CASK: variants seen among roughly 807,000 people sequenced by gnomAD.
The protein encoded by CASK is peripheral plasma membrane protein CASK.
CASK carries 4 observed loss-of-function variants against 82.9 expected under a neutral mutation model. That is an observed-to-expected ratio of 0.05 (90% CI 0.02 to 0.11). The LOEUF is 0.11. CASK is among the 10% of genes least tolerant of loss of function. The pLI is 1.00. For synonymous variants in CASK, 259 were observed against 253.5 expected, an observed-to-expected ratio of 1.02 and a Z score of -0.20; for missense variants, 358 against 720.9, an observed-to-expected ratio of 0.50 and a Z score of 5.76.
intron 3 of CASK, among the ~76,000 whole-genome samples, chrX:41,783,308 T>C (rs1449631406): frequency 4.5e-5 from 5 of 111,328 alleles, no homozygotes; most frequent in African/African-American, 1.6e-4. Flanking sequence ...CTCATGCCTG[T>C]AATCCCAGCA....
chrX:41,898,944 T>G (rs1201037953), intron 1 of CASK, among the ~76,000 whole-genome samples: 1 of 111,989 alleles, frequency 8.9e-6, no homozygotes, highest in Admixed American at 9.4e-5. Context: ...TTAGATCCAT[T>G]TGGCCTACAG....
At chrX:41,566,853 G>A (rs1359715086) in intron 16 of CASK, among the ~76,000 whole-genome samples, 2 of 111,816 alleles carry the variant, frequency 1.8e-5, no homozygotes, top group African/African-American at 6.5e-5. Context: ...TGAGGCTACA[G>A]TAACCAAAAC....
intron 5 of CASK, among the ~76,000 whole-genome samples, chrX:41,724,929 A>G (rs1602525560): frequency 8.9e-6 from 1 of 112,617 alleles, no homozygotes; most frequent in African/African-American, 3.2e-5. Flanking sequence ...ATCCTTATGT[A>G]AAATCAAAAC....
chrX:41,874,248 T>C (rs1448057770), intron 1 of CASK, among the ~76,000 whole-genome samples: 1 of 111,865 alleles, frequency 8.9e-6, no homozygotes, highest in Non-Finnish European at 1.9e-5. Context: ...GGTAAACGTG[T>C]GCCATGGTGG....
intron 9 of CASK, among the ~76,000 whole-genome samples, chrX:41,629,904 A>G (rs2066438369): frequency 8.9e-6 from 1 of 112,160 alleles, no homozygotes; most frequent in South Asian, 3.7e-4. Flanking sequence ...TAGTTCTTCA[A>G]ACTTTCTGGT....
intron 1 of CASK, among the ~76,000 whole-genome samples, chrX:41,875,257 T>C (rs1377893320): frequency 2.7e-5 from 3 of 112,357 alleles, no homozygotes; most frequent in African/African-American, 9.7e-5. Flanking sequence ...AAATACTCTT[T>C]GGTTTTTCCT....
chrX:41,840,354 T>A (rs1014287713), intron 2 of CASK, among the ~76,000 whole-genome samples: 1 of 112,531 alleles, frequency 8.9e-6, no homozygotes, highest in Admixed American at 9.4e-5. Context: ...ATGTGTTATA[T>A]TTTAAATTTC....
At chrX:41,565,254 T>G (rs777061206) in intron 16 of CASK, among the ~76,000 whole-genome samples, 2 of 110,644 alleles carry the variant, frequency 1.8e-5, no homozygotes, top group Non-Finnish European at 3.8e-5. Flanking sequence ...CTGAAGGAGA[T>G]AGAGACACAA....
chrX:41,922,247 T>C (rs1316672669), intron 1 of CASK, among the ~76,000 whole-genome samples: 1 of 111,829 alleles, frequency 8.9e-6, no homozygotes, highest in Non-Finnish European at 1.9e-5. Context: ...TTCTATATTC[T>C]AGACCAGCCC....
intron 2 of CASK, among the ~76,000 whole-genome samples, chrX:41,813,667 A>T (rs1442028533): frequency 8.9e-6 from 1 of 111,871 alleles, no homozygotes; most frequent in Non-Finnish European, 1.9e-5. Context: ...AATACCATTC[A>T]GGACATAGGC....
chrX:41,582,902 C>T (rs1357289103), intron 14 of CASK, among the ~76,000 whole-genome samples: 1 of 111,745 alleles, frequency 8.9e-6, no homozygotes, highest in Non-Finnish European at 1.9e-5. Context: ...GTTATTATTG[C>T]CATATGAAAT....
intron 2 of CASK, among the ~76,000 whole-genome samples, chrX:41,793,544 C>A (rs961064640): frequency 1.4e-4 from 16 of 111,894 alleles, no homozygotes; most frequent in Non-Finnish European, 5.6e-5. Context: ...CTTTTCCTAA[C>A]AAATATACAA....
chrX:41,863,128 T>C (rs1435544136), intron 1 of CASK, among the ~76,000 whole-genome samples: 5 of 112,143 alleles, frequency 4.5e-5, no homozygotes, highest in Non-Finnish European at 9.4e-5. Context: ...ATTCTTGTTA[T>C]TTATCATAAT....
At chrX:41,639,826 A>G (rs1262252538) in intron 8 of CASK, among the ~76,000 whole-genome samples, 3 of 111,725 alleles carry the variant, frequency 2.7e-5, no homozygotes, top group Admixed American at 1.9e-4. Flanking sequence ...AAATTGAATC[A>G]TATAGTATGT....
At chrX:41,890,418 A>G (rs1007385451) in intron 1 of CASK, among the ~76,000 whole-genome samples, 10 of 104,865 alleles carry the variant, frequency 9.5e-5, no homozygotes, top group Middle Eastern at 4.3e-3. Flanking sequence ...TATGCTGGGG[A>G]AAAAAAAAAC....
chrX:41,860,552 T>C (rs1293345159), intron 1 of CASK, among the ~76,000 whole-genome samples: 1 of 112,190 alleles, frequency 8.9e-6, no homozygotes, highest in Non-Finnish European at 1.9e-5. Context: ...CTGTGCTTTG[T>C]GATAGCTTTG....
intron 1 of CASK, among the ~76,000 whole-genome samples, chrX:41,901,488 GA>G (rs777860030): frequency 1.5e-3 from 125 of 82,122 alleles, no homozygotes; most frequent in Middle Eastern, 6.8e-3. Context: ...CCCTGTCTCA[GA>G]AAAAAAAAAA....
intron 2 of CASK, among the ~76,000 whole-genome samples, chrX:41,803,539 C>T (rs2070049415): frequency 9.0e-6 from 1 of 111,422 alleles, no homozygotes; most frequent in Non-Finnish European, 1.9e-5. Context: ...CTGCAGTGAG[C>T]CAAGATCACG....
intron 1 of CASK, among the ~76,000 whole-genome samples, chrX:41,884,160 G>C (rs1001203800): frequency 8.9e-6 from 1 of 112,327 alleles, no homozygotes; most frequent in Non-Finnish European, 1.9e-5. Context: ...GGCCATCCAA[G>C]AAGGCAGGAC....
Sources: gnomAD v4.1 joint callset for allele counts (sites outside exome capture counted in the v4.1 genomes callset) on GRCh38, gnomAD v4.1.1 for gene constraint, MANE v1.5 for transcripts, NCBI Gene and HGNC (gene_info 2026-07-23, HGNC 2026-07-21) for gene names.